HEATR5A: variants seen among roughly 807,000 people sequenced by gnomAD.
HEATR5A encodes HEAT repeat containing 5A.
Under a neutral mutation model 218.8 loss-of-function variants are expected in HEATR5A, and 178 were observed. The ratio of observed to expected loss-of-function variants is 0.81; its 90% CI spans 0.72 to 0.92. The LOEUF is 0.92. Among genes scored for constraint, HEATR5A ranks in the 40% least tolerant of loss-of-function variants. HEATR5A has a pLI of 0.00. For synonymous variants in HEATR5A, 864 were observed against 871.6 expected (o/e 0.99, Z 0.15); for missense variants, 2,420 against 2,418.9 (o/e 1.00, Z -0.01).
chr14:31,392,815 G>A (rs1410525351), intron 6 of HEATR5A, among the ~76,000 whole-genome samples: 1 of 152,154 alleles, frequency 6.6e-6, no homozygotes, highest in Non-Finnish European at 1.5e-5. Flanking sequence ...AATTCATAAA[G>A]TCATCCTGGA....
intron 22 of HEATR5A, among the ~76,000 whole-genome samples, chr14:31,328,952 A>C (rs1161702878): frequency 6.6e-6 from 1 of 152,040 alleles, no homozygotes; most frequent in Non-Finnish European, 1.5e-5. Context: ...AGCCTCAGGA[A>C]ACATACAATC....
chr14:31,296,877 TAAGA>T (rs1899203224), intron 33 of HEATR5A: 2 of 152,150 alleles, frequency 1.3e-5, no homozygotes, highest in Admixed American at 1.3e-4. Flanking sequence ...CAACAAGACT[TAAGA>T]AACACTGTGT....
At chr14:31,355,207 AG>A (rs1322079083) in intron 16 of HEATR5A, among the ~76,000 whole-genome samples, 5 of 6,362 alleles carry the variant, frequency 7.9e-4, no homozygotes, top group Non-Finnish European at 4.1e-3. Flanking sequence ...TGAGGTCAGG[AG>A]TTCAAGAACA....
chr14:31,412,838 C>T (rs2031324014), intron 1 of HEATR5A, among the ~76,000 whole-genome samples: 1 of 152,150 alleles, frequency 6.6e-6, no homozygotes, highest in African/African-American at 2.4e-5. Flanking sequence ...GAGGCCATTG[C>T]ACTCCAGCCT....
chr14:31,347,979 C>T (rs1391022528), intron 18 of HEATR5A, 72 bp from the exon 19 acceptor site: 3 of 951,496 alleles, frequency 3.2e-6, no homozygotes, highest in African/African-American at 1.7e-5. Flanking sequence ...AATGCATGTA[C>T]ACTGTCACTT....
At chr14:31,386,900 G>C (rs892154283) in intron 8 of HEATR5A, among the ~76,000 whole-genome samples, 1 of 152,070 alleles carries the variant, frequency 6.6e-6, no homozygotes, top group Admixed American at 6.6e-5. Flanking sequence ...ACTGATATTC[G>C]AGATAAGCAG....
Position 31,345,274 on chromosome 14 carries a change from G to A in HEATR5A, c.2871C>T (p.Thr957=). 6.3e-7 allele frequency: 1 copy of A among 1,595,300 alleles called. No individual in the cohort carries two copies. Among genetic ancestry groups the A allele is most frequent in the Non-Finnish European group, 8.5e-7 (1 of 1,172,192 alleles). The change falls in exon 20 of 36, where the codon ACC becomes ACT. Residue 957 remains threonine (T), a splice_region_variant and synonymous_variant. Coordinates refer to ENST00000543095, the MANE Select transcript of HEATR5A (RefSeq NM_015473.4). ...AQDSTSPDVQ[T]WALHSLSLII... ...TCAATGATAGAGAATGTAATGCCCA[G>A]GTCTGTAATGACAAAGAAAAACAAT... is the stretch of plus-strand genomic sequence containing the variant.
At chr14:31,376,122 T>C (rs1488964680) in intron 11 of HEATR5A, among the ~76,000 whole-genome samples, 1 of 152,196 alleles carries the variant, frequency 6.6e-6, no homozygotes, top group Non-Finnish European at 1.5e-5. Context: ...GATGAGTTAT[T>C]TAACCTTTTT....
intron 21 of HEATR5A, among the ~76,000 whole-genome samples, chr14:31,338,594 T>C (rs536676425): frequency 1.3e-5 from 2 of 152,314 alleles, no homozygotes; most frequent in African/African-American, 4.8e-5. Flanking sequence ...AGATTTTAAA[T>C]TTTGTACTAT....
At chr14:31,410,156 C>G (rs2031224172) in intron 1 of HEATR5A, among the ~76,000 whole-genome samples, 1 of 152,090 alleles carries the variant, frequency 6.6e-6, no homozygotes, top group South Asian at 2.1e-4. Context: ...GTATCAAGTA[C>G]CTGAAGTGTT....
At chr14:31,325,105 T>C (rs949420398) in intron 23 of HEATR5A, among the ~76,000 whole-genome samples, 69 of 152,330 alleles carry the variant, frequency 4.5e-4, no homozygotes, top group African/African-American at 1.6e-3. Context: ...TCAGGCAGGT[T>C]ACCTCTCCAA....
chr14:31,400,606 A>C, intron 2 of HEATR5A, 94 bp from the exon 3 acceptor site: 1 of 825,124 alleles, frequency 1.2e-6, no homozygotes, highest in Non-Finnish European at 1.8e-6. Flanking sequence ...TAAGAACTAA[A>C]AAGGCTCTAG....
In HEATR5A at chr14:31,292,011, A is replaced by C. The variant is rs979023444; in HGVS notation, c.*1294T>G. ...AGAGGGAAATGCTCTGTTTTGACAC[A>C]GTGCTTGATTCACACAGTATAACAC... On this transcript the variant is annotated 3_prime_UTR_variant, in exon 36 of 36. Transcript: ENST00000543095. The C allele has an allele frequency of 6.6e-6, 1 of 152,256 alleles. No individual in the cohort carries two copies. Among genetic ancestry groups the C allele is most frequent in the East Asian group, 1.9e-4 (1 of 5,204 alleles). The allele number at this position is 152,256 out of a possible 1,614,324, so 9.4% of individuals were successfully genotyped here.
chr14:31,412,524 A>G (rs968621840), intron 1 of HEATR5A, among the ~76,000 whole-genome samples: 3 of 151,822 alleles, frequency 2.0e-5, no homozygotes, highest in African/African-American at 4.8e-5. Context: ...TCTCAAAAAA[A>G]AAAAAAAAGA....
chr14:31,340,578 T>C, intron 21 of HEATR5A: 1 of 669,522 alleles, frequency 1.5e-6, no homozygotes, highest in South Asian at 1.7e-5. Context: ...TAAATGTTGA[T>C]AGTTATTATT....
intron 1 of HEATR5A, among the ~76,000 whole-genome samples, chr14:31,411,371 A>G (rs1690391400): frequency 6.6e-6 from 1 of 152,246 alleles, no homozygotes; most frequent in South Asian, 2.1e-4. Context: ...CTGTCATATA[A>G]AACCATGAAA....
chr14:31,297,773 G>C (rs767607124), intron 33 of HEATR5A: 1 of 152,082 alleles, frequency 6.6e-6, no homozygotes, highest in Non-Finnish European at 1.5e-5. Flanking sequence ...CATGAGGTAG[G>C]TACTCTTATT....
intron 30 of HEATR5A, among the ~76,000 whole-genome samples, chr14:31,307,200 A>T (rs1271360212): frequency 6.6e-6 from 1 of 152,218 alleles, no homozygotes; most frequent in Non-Finnish European, 1.5e-5. Flanking sequence ...GTTAGTATTA[A>T]ACACTTAAAT....
intron 2 of HEATR5A, among the ~76,000 whole-genome samples, chr14:31,401,857 C>G (rs1346147090): frequency 6.6e-6 from 1 of 152,042 alleles, no homozygotes; most frequent in Non-Finnish European, 1.5e-5. Context: ...TGCAAGCTTA[C>G]GTATATAAAT....
Sources: allele counts gnomAD v4.1 joint callset (sites outside exome capture counted in the v4.1 genomes callset), GRCh38; gene constraint gnomAD v4.1.1; transcripts MANE v1.5; gene names NCBI Gene and HGNC (gene_info 2026-07-23, HGNC 2026-07-21).